Variants in ERC2 observed in about 807,000 individuals in gnomAD.
ERC2 encodes the protein ERC protein 2.
Under a neutral mutation model 114.8 loss-of-function variants are expected in ERC2, and 42 were observed. The ratio of observed to expected loss-of-function variants is 0.37; its 90% CI spans 0.29 to 0.47. The LOEUF (loss-of-function observed/expected upper bound fraction) is 0.47. Among genes scored for constraint, ERC2 ranks in the 20% least tolerant of loss-of-function variants. The probability of loss-of-function intolerance (pLI) is 0.99; values close to 1 mark genes in which losing one functional copy is unlikely to be tolerated. For missense variants in ERC2, 939 were observed against 1,150.7 expected (o/e 0.82, Z 2.66); for synonymous variants, 454 against 425.5 (o/e 1.07, Z -0.82).
intron 11 of ERC2, among the ~76,000 whole-genome samples, chr3:55,986,239 T>C (rs2070624099): frequency 6.6e-6 from 1 of 152,148 alleles, no homozygotes; most frequent in Non-Finnish European, 1.5e-5. Context: ...ATATGTATAA[T>C]TACAAAAAGC....
chr3:56,333,162 T>C (rs766695), intron 2 of ERC2, among the ~76,000 whole-genome samples: 90,505 of 152,052 alleles, frequency 0.6, 27,399 homozygotes, highest in East Asian at 0.69. Flanking sequence ...TTACATTTCT[T>C]ATGCTCTCTC....
intron 17 of ERC2, among the ~76,000 whole-genome samples, chr3:55,513,956 A>C (rs1328306606): frequency 6.6e-6 from 1 of 152,182 alleles, no homozygotes; most frequent in Non-Finnish European, 1.5e-5. Flanking sequence ...AGAGTACCTC[A>C]GGTAGGCAGA....
intron 3 of ERC2, among the ~76,000 whole-genome samples, chr3:56,276,558 C>A (rs1425987269): frequency 6.6e-6 from 1 of 150,764 alleles, no homozygotes; most frequent in East Asian, 1.9e-4. Context: ...ACTAAAGTAA[C>A]CATGGCATAT....
chr3:55,655,999 A>T (rs2060843793), intron 17 of ERC2, among the ~76,000 whole-genome samples: 1 of 152,228 alleles, frequency 6.6e-6, no homozygotes, highest in African/African-American at 2.4e-5. Context: ...CTTAGCTAGT[A>T]ATGAAGCTGG....
chr3:56,317,009 C>T (rs760910738), intron 2 of ERC2, among the ~76,000 whole-genome samples: 4 of 152,204 alleles, frequency 2.6e-5, no homozygotes, highest in Non-Finnish European at 4.4e-5. Flanking sequence ...TATGCTAAGG[C>T]ATGGGGATTC....
intron 2 of ERC2, among the ~76,000 whole-genome samples, chr3:56,393,632 A>G (rs949507288): frequency 7.9e-5 from 12 of 152,330 alleles, no homozygotes; most frequent in African/African-American, 2.6e-4. Context: ...TCACTTCTGT[A>G]TTTATATTAG....
chr3:55,677,952 C>T (rs1173194470), intron 17 of ERC2, among the ~76,000 whole-genome samples: 1 of 152,158 alleles, frequency 6.6e-6, no homozygotes, highest in Admixed American at 6.5e-5. Context: ...ATATCCAGTA[C>T]ATCTCCAGTA....
chr3:55,703,495 C>G (rs1359421138), intron 15 of ERC2, among the ~76,000 whole-genome samples: 1 of 152,256 alleles, frequency 6.6e-6, no homozygotes, highest in Admixed American at 6.5e-5. Flanking sequence ...AGCCACCCCC[C>G]TGGGTCTCTG....
At chr3:55,524,994 T>A (rs1009510591) in intron 17 of ERC2, among the ~76,000 whole-genome samples, 1 of 152,200 alleles carries the variant, frequency 6.6e-6, no homozygotes, top group South Asian at 2.1e-4. Flanking sequence ...TTAGTGCTGA[T>A]GGCCCAAGGC....
chr3:56,265,465 A>C (rs564670766), intron 3 of ERC2, among the ~76,000 whole-genome samples: 1 of 152,350 alleles, frequency 6.6e-6, no homozygotes, highest in South Asian at 2.1e-4. Context: ...AAAATGAATG[A>C]AAGACCTAAA....
At chr3:56,217,247 T>C (rs2049550241) in intron 3 of ERC2, among the ~76,000 whole-genome samples, 2 of 152,196 alleles carry the variant, frequency 1.3e-5, no homozygotes, top group Non-Finnish European at 2.9e-5. Flanking sequence ...AACCCCATTG[T>C]CTCAGCCCAA....
chr3:56,164,222 C>G (rs1398565808), intron 4 of ERC2, among the ~76,000 whole-genome samples: 4 of 151,964 alleles, frequency 2.6e-5, no homozygotes, highest in African/African-American at 9.7e-5. Context: ...TTTCATCACC[C>G]AAAATCCAGT....
intron 3 of ERC2, among the ~76,000 whole-genome samples, chr3:56,203,729 T>C (rs544632529): frequency 3.3e-5 from 5 of 152,308 alleles, no homozygotes; most frequent in African/African-American, 7.2e-5. Context: ...GAAATAGGAA[T>C]GATGATACTA....
chr3:55,944,350 G>T (rs2066998664), intron 13 of ERC2, among the ~76,000 whole-genome samples: 1 of 152,178 alleles, frequency 6.6e-6, no homozygotes, highest in African/African-American at 2.4e-5. Context: ...AATTTAGTAG[G>T]TAGCTTAGGC....
intron 6 of ERC2, among the ~76,000 whole-genome samples, chr3:56,096,043 G>A (rs966860261): frequency 6.6e-6 from 1 of 151,992 alleles, no homozygotes; most frequent in Non-Finnish European, 1.5e-5. Context: ...ATAAAATGAG[G>A]GTAATAATAG....
rs182701713 is a variant in ERC2, at chr3:56,068,267, G to A, written c.1641+12550C>T. 2.8e-3 allele frequency among the ~76,000 whole-genome samples: 431 copies of A among 152,228 alleles called. 3 individuals carry two copies. The highest frequency in any genetic ancestry group is 0.024 in the Middle Eastern group (7 of 294). ...TGACTTCTTCCTGGTTTAGTCTTGG[G>A]AAGGTGTACGTGTCCAGGAATTTCT... is the stretch of plus-strand genomic sequence containing the variant. On this transcript the variant is annotated intron_variant, in intron 7 of 17. Coordinates refer to ENST00000288221, the MANE Select transcript of ERC2 (RefSeq NM_015576.3).
intron 2 of ERC2, among the ~76,000 whole-genome samples, chr3:56,371,390 T>G (rs1159414173): frequency 6.6e-6 from 1 of 152,184 alleles, no homozygotes; most frequent in Non-Finnish European, 1.5e-5. Flanking sequence ...CAAAAGGATA[T>G]ATATACCTGA....
At chr3:55,922,249 C>A (rs549409599) in intron 13 of ERC2, among the ~76,000 whole-genome samples, 3 of 152,114 alleles carry the variant, frequency 2.0e-5, no homozygotes, top group Non-Finnish European at 2.9e-5. Context: ...AAAACCAACT[C>A]AAACTTTGCT....
intron 15 of ERC2, among the ~76,000 whole-genome samples, chr3:55,712,320 C>T (rs540645119): frequency 5.9e-5 from 9 of 152,130 alleles, no homozygotes; most frequent in South Asian, 2.1e-4. Flanking sequence ...AGGTGAGAGG[C>T]GAGGATGCCC....
Sources: allele counts gnomAD v4.1 joint callset (sites outside exome capture counted in the v4.1 genomes callset), GRCh38; gene constraint gnomAD v4.1.1; transcripts MANE v1.5; gene names NCBI Gene and HGNC (gene_info 2026-07-23, HGNC 2026-07-21).